The following CDH4 variants were observed in gnomAD, a reference collection of about 807,000 sequenced individuals.
The protein encoded by CDH4 is cadherin-4.
CDH4 carries 33 observed loss-of-function variants against 86.0 expected under a neutral mutation model. That is an observed-to-expected ratio of 0.38 (90% CI 0.29 to 0.51). The LOEUF (loss-of-function observed/expected upper bound fraction) is 0.51. Among genes scored for constraint, CDH4 ranks in the 20% least tolerant of loss-of-function variants. The pLI is 0.86. For synonymous variants in CDH4, 555 were observed against 549.4 expected (o/e 1.01, Z -0.14); for missense variants, 1,114 against 1,307.4 (o/e 0.85, Z 2.28).
intron 2 of CDH4, among the ~76,000 whole-genome samples, chr20:61,653,556 A>G (rs4507168): frequency 0.76 from 93,793 of 123,296 alleles, 35,518 homozygotes; most frequent in Middle Eastern, 0.8. Context: ...GTGGCTGGCC[A>G]GGCGGGGGCT....
intron 2 of CDH4, among the ~76,000 whole-genome samples, chr20:61,729,506 A>G (rs574901170): frequency 5.4e-4 from 83 of 152,358 alleles, no homozygotes; most frequent in African/African-American, 2.0e-3. Context: ...ATATAGGCTC[A>G]GAGCCCTTTC....
chr20:61,809,074 C>T (rs1000113600), intron 4 of CDH4, among the ~76,000 whole-genome samples: 2 of 152,250 alleles, frequency 1.3e-5, no homozygotes, highest in African/African-American at 2.4e-5. Context: ...GGAAAATGCC[C>T]GTGTCCATGG....
At chr20:61,289,227 G>A (rs943971357) in intron 2 of CDH4, among the ~76,000 whole-genome samples, 97 of 152,268 alleles carry the variant, frequency 6.4e-4, no homozygotes, top group African/African-American at 1.8e-3. Flanking sequence ...GCTGAGCGGC[G>A]TGCTCCCAGC....
intron 2 of CDH4, among the ~76,000 whole-genome samples, chr20:61,258,339 A>AAAAAAAAAAG (rs1555830539): frequency 7.2e-6 from 1 of 139,218 alleles, no homozygotes; most frequent in African/African-American, 2.7e-5. Context: ...CAAAAAAAAA[A>AAAAAAAAAAG]AAAAAAGAAA....
intron 2 of CDH4, among the ~76,000 whole-genome samples, chr20:61,599,322 A>T (rs1600795082): frequency 6.6e-6 from 1 of 151,890 alleles, no homozygotes; most frequent in Non-Finnish European, 1.5e-5. Context: ...CTGCTGGGGG[A>T]CTCTGCAGAC....
rs2145896019 is a variant in CDH4, at chr20:61,709,162, C to T, written c.170-34401C>T. Among the ~76,000 whole-genome samples, 1 of 152,374 alleles carries T rather than the reference C, an allele frequency of 6.6e-6. No individual in the cohort carries two copies. The highest frequency in any genetic ancestry group is 1.5e-5 in the Non-Finnish European group (1 of 68,040). On this transcript the variant is annotated intron_variant, in intron 2 of 15. Transcript: ENST00000614565. The surrounding 1 kb of genome is among the most constrained non-coding windows in gnomAD (Gnocchi z 4.8). ...TGATGAGCCCACAACGCACCTGCCCCTCTCTCCAGGGGAGTGCAAGCAAAT... is the reference window on the plus strand; with the variant it reads ...TGATGAGCCCACAACGCACCTGCCCTTCTCTCCAGGGGAGTGCAAGCAAAT...
chr20:61,800,280 G>T (rs1414004632), intron 4 of CDH4, among the ~76,000 whole-genome samples: 1 of 151,278 alleles, frequency 6.6e-6, no homozygotes, highest in Non-Finnish European at 1.5e-5. Flanking sequence ...CCGGCCGCCA[G>T]GGGGGCAGAG....
chr20:61,768,163 G>GT (rs2088722723), intron 3 of CDH4, among the ~76,000 whole-genome samples: 1 of 152,176 alleles, frequency 6.6e-6, no homozygotes, highest in African/African-American at 2.4e-5. Flanking sequence ...TGGGCTGTTG[G>GT]TTTTGAGAAA....
chr20:61,612,606 C>G (rs1331878895), intron 2 of CDH4, among the ~76,000 whole-genome samples: 1 of 152,092 alleles, frequency 6.6e-6, no homozygotes, highest in Non-Finnish European at 1.5e-5. Flanking sequence ...TAAGACCATC[C>G]TTCCTGCTGA....
chr20:61,838,111 C>T (rs1240024537), intron 4 of CDH4, among the ~76,000 whole-genome samples: 5 of 151,142 alleles, frequency 3.3e-5, no homozygotes, highest in Admixed American at 6.6e-5. Context: ...GGTTTCCCTA[C>T]GCAGCTGGGT....
At chr20:61,487,075 C>T (rs1253182226) in intron 2 of CDH4, among the ~76,000 whole-genome samples, 1 of 152,042 alleles carries the variant, frequency 6.6e-6, no homozygotes, top group East Asian at 1.9e-4. Context: ...TATAGGTTTG[C>T]ATTTTACATT....
intron 2 of CDH4, among the ~76,000 whole-genome samples, chr20:61,398,780 C>T (rs376097050): frequency 6.6e-5 from 10 of 152,220 alleles, no homozygotes; most frequent in African/African-American, 2.4e-4. Context: ...TTGACACATA[C>T]ACAATTATGT....
At chr20:61,316,310 C>T (rs773283671) in intron 2 of CDH4, among the ~76,000 whole-genome samples, 7 of 152,342 alleles carry the variant, frequency 4.6e-5, no homozygotes, top group African/African-American at 1.7e-4. Flanking sequence ...TCTGGAACAT[C>T]GGAGATGGAA....
intron 2 of CDH4, among the ~76,000 whole-genome samples, chr20:61,477,575 C>T (rs2085545559): frequency 6.6e-6 from 1 of 152,246 alleles, no homozygotes; most frequent in Admixed American, 6.5e-5. Context: ...CATAGGTCCA[C>T]ATCCCGCCTT....
chr20:61,837,739 C>T (rs1378987057), intron 4 of CDH4, among the ~76,000 whole-genome samples: 1 of 141,552 alleles, frequency 7.1e-6, no homozygotes, highest in Non-Finnish European at 1.5e-5. Context: ...CCAGCGACGC[C>T]GTTGTGAGGG....
At chr20:61,366,922 A>G (rs1052463234) in intron 2 of CDH4, among the ~76,000 whole-genome samples, 1 of 152,214 alleles carries the variant, frequency 6.6e-6, no homozygotes, top group African/African-American at 2.4e-5. Context: ...TAAAAACAGC[A>G]TATTAACGGG....
intron 2 of CDH4, among the ~76,000 whole-genome samples, chr20:61,378,492 T>G (rs1207426864): frequency 6.6e-6 from 1 of 152,198 alleles, no homozygotes; most frequent in Non-Finnish European, 1.5e-5. Context: ...CGGCTTTCCT[T>G]GGCTTGTGAC....
rs1396863639 is a variant in CDH4, at chr20:61,811,993, C to T, written c.577-32675C>T. On this transcript the variant is annotated intron_variant, in intron 4 of 15. Coordinates refer to ENST00000614565, the MANE Select transcript of CDH4 (RefSeq NM_001794.5). The surrounding 1 kb of genome is among the most constrained non-coding windows in gnomAD (Gnocchi z 4.4). ...AGCCGCCTGCTGTCCTTCAGACTCC[C>T]CGCCTGGGCTTGGGTTTGAGGCCCT... Among the ~76,000 whole-genome samples, 1 of 152,118 alleles carries T rather than the reference C, an allele frequency of 6.6e-6. No individual in the cohort carries two copies. The highest frequency in any genetic ancestry group is 1.9e-4 in the East Asian group (1 of 5,180).
At chr20:61,579,811 G>C (rs2086411965) in intron 2 of CDH4, among the ~76,000 whole-genome samples, 1 of 152,128 alleles carries the variant, frequency 6.6e-6, no homozygotes. Context: ...TAAAATTGAA[G>C]TGTAAGGCTG....
Sources: allele counts gnomAD v4.1 joint callset (sites outside exome capture counted in the v4.1 genomes callset), GRCh38; gene constraint gnomAD v4.1.1; non-coding constraint Gnocchi (gnomAD v3.1); transcripts MANE v1.5; gene names NCBI Gene and HGNC (gene_info 2026-07-23, HGNC 2026-07-21).